ABCB1: variants seen among roughly 807,000 people sequenced by gnomAD.
ABCB1 encodes ATP binding cassette subfamily B member 1.
ABCB1 carries 69 observed loss-of-function variants against 142.0 expected under a neutral mutation model. The observed-to-expected ratio is 0.49, with a 90% confidence interval of 0.40 to 0.59. The LOEUF is 0.59. Among genes scored for constraint, ABCB1 ranks in the 20% least tolerant of loss-of-function variants. The pLI, the probability that ABCB1 is intolerant of heterozygous loss-of-function variation, is 0.00. For synonymous variants in ABCB1, 532 were observed against 539.2 expected, an observed-to-expected ratio of 0.99 and a Z score of 0.18; for missense variants, 1,326 against 1,554.7, an observed-to-expected ratio of 0.85 and a Z score of 2.47.
At chr7:87,656,149 G>C (rs1824077697) in intron 1 of ABCB1, among the ~76,000 whole-genome samples, 1 of 151,618 alleles carries the variant, frequency 6.6e-6, no homozygotes, top group Admixed American at 6.6e-5. Flanking sequence ...AAGAAAGTGA[G>C]GTAATATGTA....
At chr7:87,531,000 G>A (rs1444486917) in intron 21 of ABCB1, among the ~76,000 whole-genome samples, 2 of 151,944 alleles carry the variant, frequency 1.3e-5, no homozygotes, top group Non-Finnish European at 2.9e-5. Context: ...AGAAAAGAAA[G>A]AAGAAAATAA....
chr7:87,628,368 T>TGGGGCTGCGCACGCGAGGCCG (rs1260600047), intron 1 of ABCB1: 2 of 152,690 alleles, frequency 1.3e-5, no homozygotes, highest in African/African-American at 4.9e-5. Flanking sequence ...GCAGAGAGGG[T>TGGGGCTGCGCACGCGAGGCCG]GGGGCTGCGC....
intron 4 of ABCB1, among the ~76,000 whole-genome samples, chr7:87,571,374 A>G (rs1406386466): frequency 6.6e-6 from 1 of 152,168 alleles, no homozygotes; most frequent in Non-Finnish European, 1.5e-5. Context: ...GCAAAATAGG[A>G]TATAATTAGA....
chr7:87,527,616 T>C (rs1815842954), intron 21 of ABCB1, among the ~76,000 whole-genome samples: 1 of 152,172 alleles, frequency 6.6e-6, no homozygotes, highest in African/African-American at 2.4e-5. Flanking sequence ...TCCCTGGTGT[T>C]ATTTAATGTT....
intron 14 of ABCB1, 98 bp from the exon 15 acceptor site, chr7:87,546,122 G>T: frequency 1.6e-6 from 2 of 1,221,054 alleles, no homozygotes; most frequent in Non-Finnish European, 2.4e-6. Flanking sequence ...TGTGGGCATT[G>T]TAAAACCATC....
intron 1 of ABCB1, among the ~76,000 whole-genome samples, chr7:87,618,014 T>C (rs1186387799): frequency 6.6e-6 from 1 of 152,178 alleles, no homozygotes; most frequent in Non-Finnish European, 1.5e-5. Flanking sequence ...CCTGGATAGT[T>C]TCTCCTACCT....
At position 87,521,902 on chromosome 7, in the gene ABCB1, T is replaced by C; in HGVS notation, c.2686-1026A>G. On this transcript the variant is annotated intron_variant, in intron 21 of 27. Transcript: ENST00000622132. ...CCAAGGCAGTGATAAGAAAAGGGGC[T>C]TTGCTTTAGTAACTTTTGACGACCA... 3.9e-6 allele frequency: 3 copies of C among 774,646 alleles called. No individual in the cohort carries two copies. The Admixed American group carries it at 5.1e-5, about 13-fold the overall frequency. 48.0% of individuals were successfully genotyped at this position (774,646 alleles called of 1,614,324 possible). A position where few individuals can be genotyped will look rare whatever the true frequency, so the allele number is the denominator to read the frequency against.
intron 23 of ABCB1, chr7:87,519,011 T>A (rs1297695564): frequency 2.5e-6 from 1 of 396,046 alleles, no homozygotes; most frequent in African/African-American, 2.0e-5. Flanking sequence ...CCAGTCAGAC[T>A]CCTTGCTCAG....
At chr7:87,600,253 T>A in intron 1 of ABCB1, 63 bp from the exon 2 acceptor site, 1 of 1,347,274 alleles carries the variant, frequency 7.4e-7, no homozygotes, top group Non-Finnish European at 1.1e-6. Flanking sequence ...GAGGTGAGAC[T>A]AACCTCTAGT....
chr7:87,519,257 T>C lies in ABCB1; in HGVS notation c.2927+69A>G, dbSNP rs1423535679. Reference sequence around the variant, plus strand: ...TGAGGCTTCACAGTAGGGTTTCCTATCTAGACATGAAGCATGTTCATCCCA... The same window carrying C: ...TGAGGCTTCACAGTAGGGTTTCCTACCTAGACATGAAGCATGTTCATCCCA... On this transcript the variant is annotated intron_variant, in intron 23 of 27. Transcript: ENST00000622132. The C allele has an allele frequency of 2.7e-6, 4 of 1,476,662 alleles. No individual in the cohort carries two copies. In the East Asian group the frequency reaches 9.1e-5, roughly 34 times the overall value. 91.5% of individuals were successfully genotyped at this position (1,476,662 alleles called of 1,614,324 possible). A position where few individuals can be genotyped will look rare whatever the true frequency, so the allele number is the denominator to read the frequency against.
chr7:87,666,290 T>C (rs1825242141), intron 1 of ABCB1, among the ~76,000 whole-genome samples: 1 of 152,176 alleles, frequency 6.6e-6, no homozygotes, highest in Admixed American at 6.6e-5. Context: ...TATGCTTCCT[T>C]TGAAAAGTGT....
chr7:87,528,646 G>A (rs753678217), intron 21 of ABCB1, among the ~76,000 whole-genome samples: 3 of 152,198 alleles, frequency 2.0e-5, no homozygotes, highest in Non-Finnish European at 2.9e-5. Flanking sequence ...TAGAGGTTAT[G>A]AGCAGGTTTT....
chr7:87,632,985 G>A (rs530254951), intron 1 of ABCB1, among the ~76,000 whole-genome samples: 18 of 152,210 alleles, frequency 1.2e-4, no homozygotes, highest in East Asian at 3.9e-4. Flanking sequence ...TGATAAGCAC[G>A]GTGGAGACAA....
chr7:87,509,167 G>A (rs1236208023), intron 26 of ABCB1, 108 bp downstream of exon 26: 2 of 1,101,722 alleles, frequency 1.8e-6, no homozygotes, highest in Admixed American at 1.8e-5. Context: ...GGTGTGATTT[G>A]GTTGCTAATT....
At chr7:87,711,291 A>G (rs1695417863) in intron 1 of ABCB1, among the ~76,000 whole-genome samples, 1 of 152,074 alleles carries the variant, frequency 6.6e-6, no homozygotes, top group African/African-American at 2.4e-5. Context: ...GAGCCATTGC[A>G]CCGCAGCCTG....
intron 1 of ABCB1, among the ~76,000 whole-genome samples, chr7:87,698,670 G>T (rs1378250773): frequency 6.6e-6 from 1 of 152,140 alleles, no homozygotes; most frequent in African/African-American, 2.4e-5. Context: ...TTTATTGAGT[G>T]CCTACTGTGA....
At chr7:87,694,271 T>A (rs542831027) in intron 1 of ABCB1, among the ~76,000 whole-genome samples, 10 of 152,260 alleles carry the variant, frequency 6.6e-5, no homozygotes, top group African/African-American at 2.2e-4. Flanking sequence ...CCAGTCTCAG[T>A]AAAACATAGA....
chr7:87,610,232 C>CTT lies in ABCB1; in HGVS notation c.-330-9156_-330-9155dup, dbSNP rs914468581. On this transcript the variant is annotated intron_variant, in intron 1 of 28. Transcript: ENST00000265724. ...TTATGTACGAACTAGCTTTTTCTTT[C>CTT]TTTTTTTTTTTTTTTTTTTTTCTCA... is the stretch of plus-strand genomic sequence containing the variant. Among the ~76,000 whole-genome samples, 233 of 117,028 alleles carry CTT rather than the reference C, an allele frequency of 2.0e-3. 1 individual carries two copies. Among genetic ancestry groups the CTT allele is most frequent in the African/African-American group, 6.6e-3 (205 of 30,980 alleles). 76.8% of individuals were successfully genotyped at this position (117,028 alleles called of 152,430 possible).
At chr7:87,613,012 T>C (rs376825666) in intron 1 of ABCB1, among the ~76,000 whole-genome samples, 2 of 45,628 alleles carry the variant, frequency 4.4e-5, no homozygotes, top group Non-Finnish European at 1.4e-4. Context: ...TTTTGGTGGG[T>C]TTTTTTTTTT....
Sources: allele counts gnomAD v4.1 joint callset (sites outside exome capture counted in the v4.1 genomes callset), GRCh38; gene constraint gnomAD v4.1.1; transcripts MANE v1.5; gene names NCBI Gene and HGNC (gene_info 2026-07-23, HGNC 2026-07-21).